The following NFAM1 variants were observed in gnomAD, a reference collection of about 807,000 sequenced individuals.
NFAM1 encodes the protein NFAT activation molecule 1.
NFAM1 carries 17 observed loss-of-function variants against 29.0 expected under a neutral mutation model. The observed-to-expected ratio is 0.59, with a 90% CI of 0.40 to 0.88. The LOEUF (loss-of-function observed/expected upper bound fraction) is 0.88. NFAM1 is among the 40% of genes least tolerant of loss of function. The pLI, the probability that NFAM1 is intolerant of heterozygous loss-of-function variation, is 0.00. For missense variants in NFAM1, 324 were observed against 344.6 expected (o/e 0.94, Z 0.47); for synonymous variants, 175 against 147.2 (o/e 1.19, Z -1.36).
At chr22:42,434,527 C>A (rs1369185551), upstream of NFAM1, among the ~76,000 whole-genome samples, 1 of 152,188 alleles carries the variant, frequency 6.6e-6, no homozygotes, top group East Asian at 1.9e-4. Context: ...AGGGACGCAC[C>A]TTGGCAAGGA....
intron 2 of NFAM1, chr22:42,410,143 C>T (rs1221281338): frequency 6.1e-6 from 1 of 164,104 alleles, no homozygotes; most frequent in Non-Finnish European, 1.3e-5. Flanking sequence ...CATATGGGCA[C>T]CATCTCCTTC....
intron 3 of NFAM1, among the ~76,000 whole-genome samples, chr22:42,405,712 T>C (rs1437500303): frequency 6.6e-6 from 1 of 152,192 alleles, no homozygotes; most frequent in African/African-American, 2.4e-5. Context: ...AGCTCATCCC[T>C]CTGGCTGGGC....
At chr22:42,389,456 T>A (rs1929259086) in intron 4 of NFAM1, among the ~76,000 whole-genome samples, 1 of 152,104 alleles carries the variant, frequency 6.6e-6, no homozygotes, top group South Asian at 2.1e-4. Flanking sequence ...ATGACCTGCA[T>A]CACCAGGCTG....
chr22:42,407,301 T>C (rs1313069914), intron 3 of NFAM1, among the ~76,000 whole-genome samples: 1 of 149,936 alleles, frequency 6.7e-6, no homozygotes, highest in African/African-American at 2.5e-5. Flanking sequence ...AAGCTAGTCT[T>C]GAACTCCTGG....
chr22:42,398,017 A>C, intron 3 of NFAM1, 61 bp from the exon 4 acceptor site: 1 of 861,954 alleles, frequency 1.2e-6, no homozygotes, highest in Non-Finnish European at 1.8e-6. Context: ...CCCCGCACAG[A>C]CCCCCCAGGG....
chr22:42,411,375 T>G (rs1187057289), intron 2 of NFAM1, 32 bp downstream of exon 2: 1 of 1,553,018 alleles, frequency 6.4e-7, no homozygotes. Context: ...TCTGTGTCCT[T>G]TGCCCTGGAA....
At chr22:42,428,911 T>G (rs534619773) in intron 1 of NFAM1, among the ~76,000 whole-genome samples, 8 of 152,292 alleles carry the variant, frequency 5.3e-5, no homozygotes, top group Middle Eastern at 3.4e-3. Flanking sequence ...CTGAGGCCCA[T>G]GGAAGCTGAG....
At position 42,388,148 on chromosome 22, in the gene NFAM1, A is replaced by G. The variant is rs1929214372; in HGVS notation, c.664-1070T>C. On this transcript the variant is annotated intron_variant, in intron 4 of 5. Transcript: ENST00000329021. This position sits in a 1 kb window ranked among gnomAD's most constrained non-coding sequence, Gnocchi z 4.1. ...TAAGAAAGGCCTAGCCAGAGACCTC[A>G]GGATGGTAGAAAGAACCGGGGCTTT... 1.3e-5 allele frequency among the ~76,000 whole-genome samples: 2 copies of G among 152,246 alleles called. No homozygotes were observed. The highest frequency in any genetic ancestry group is 4.8e-5 in the African/African-American group (2 of 41,472).
intron 5 of NFAM1, among the ~76,000 whole-genome samples, chr22:42,385,908 T>A (rs1929122599): frequency 6.6e-6 from 1 of 152,230 alleles, no homozygotes; most frequent in South Asian, 2.1e-4. Context: ...CCCTGACAGA[T>A]GTTCCAAGAG....
At position 42,409,428 on chromosome 22, in the gene NFAM1, C is replaced by A. The variant is rs553760165; in HGVS notation, c.564+7G>T. On this transcript the variant is annotated splice_region_variant and intron_variant, in intron 3 of 5. Transcript: ENST00000329021. The surrounding 1 kb of genome is among the most constrained non-coding windows in gnomAD (Gnocchi z 4.9). ...GGGCTGCATGGCTGTGAGCACTGATCCCGTACCTTGTTCCAGAGCAGCAGG... is the reference window on the plus strand; with the variant it reads ...GGGCTGCATGGCTGTGAGCACTGATACCGTACCTTGTTCCAGAGCAGCAGG... 2 of 1,431,024 alleles carry A rather than the reference C, an allele frequency of 1.4e-6. No homozygotes were observed. The highest frequency in any genetic ancestry group is 2.3e-5 in the Admixed American group (1 of 43,058). The allele number at this position is 1,431,024 out of a possible 1,614,324, so 88.6% of individuals were successfully genotyped here. A position where few individuals can be genotyped will look rare whatever the true frequency, so the allele number is the denominator to read the frequency against.
Position 42,387,004 on chromosome 22 carries a change from C to T in NFAM1, c.738G>A (p.Gln246=). The T allele has an allele frequency of 1.3e-6, 2 of 1,569,660 alleles. No individual in the cohort carries two copies. The highest frequency in any genetic ancestry group is 1.2e-5 in the South Asian group (1 of 86,152). ...GCCTGTGTACCTGGGAGAGGGGGCT[C>T]TGCTTGGCGGTGGGTGAGCTGCCAT... ...NEDGSSPTAK[Q]SPLSQERPHR... is the part of the protein sequence containing the mutation. Residue 246 remains glutamine, a synonymous_variant, in exon 5 of 6, where the codon CAG becomes CAA. Transcript: ENST00000329021.
intron 1 of NFAM1, among the ~76,000 whole-genome samples, chr22:42,428,638 C>T (rs1215996563): frequency 3.3e-5 from 5 of 152,164 alleles, no homozygotes; most frequent in Admixed American, 2.0e-4. Flanking sequence ...GGCCAAGGCT[C>T]ACGGTCCCAC....
upstream of NFAM1, among the ~76,000 whole-genome samples, chr22:42,434,270 TA>T (rs896787837): frequency 2.6e-5 from 4 of 152,182 alleles, no homozygotes; most frequent in Non-Finnish European, 4.4e-5. Flanking sequence ...TGGGTGAGCA[TA>T]AGGCAGGGAG....
Position 42,385,040 on chromosome 22 carries a change from G to A in NFAM1, c.*121C>T. The stretch of plus-strand genomic sequence containing the variant: ...CCAAGACAGGAAGGGCCTTGAATGT[G>A]AGGGTGAAATGATGGGGTGTCCCTG... On this transcript the variant is annotated 3_prime_UTR_variant, in exon 6 of 6. Coordinates refer to ENST00000329021, the MANE Select transcript of NFAM1 (RefSeq NM_145912.8). 1 of 781,342 alleles carries A rather than the reference G, an allele frequency of 1.3e-6. No individual in the cohort carries two copies. The highest frequency in any genetic ancestry group is 2.3e-6 in the Non-Finnish European group (1 of 433,970). The allele number at this position is 781,342 out of a possible 1,614,324, so 48.4% of individuals were successfully genotyped here.
chr22:42,399,380 G>A (rs1929645080), intron 3 of NFAM1, among the ~76,000 whole-genome samples: 1 of 150,728 alleles, frequency 6.6e-6, no homozygotes, highest in Admixed American at 6.6e-5. Flanking sequence ...CCAGGGGGCG[G>A]AGGTTGCAGT....
Position 42,396,881 on chromosome 22 carries a change from C to G in NFAM1, c.663+977G>C, listed in dbSNP as rs185136919. Among the ~76,000 whole-genome samples, 8 of 152,252 alleles carry G rather than the reference C, an allele frequency of 5.3e-5. No homozygotes were observed. The East Asian group carries it at 1.4e-3, about 26-fold the overall frequency. On this transcript the variant is annotated intron_variant, in intron 4 of 5. Transcript: ENST00000329021. ...TGAGTCAATGTTGTGGGAACAGAAACGACAGCACGTACGAGCAGAACCCAA... is the reference window on the plus strand; with the variant it reads ...TGAGTCAATGTTGTGGGAACAGAAAGGACAGCACGTACGAGCAGAACCCAA...
At chr22:42,399,234 A>G (rs549864613) in intron 3 of NFAM1, among the ~76,000 whole-genome samples, 1 of 151,954 alleles carries the variant, frequency 6.6e-6, no homozygotes, top group African/African-American at 2.4e-5. Context: ...ATCACCTGAG[A>G]TCAGGAGTTT....
In NFAM1 at chr22:42,380,962, G is replaced by A. The variant is rs7286723; in HGVS notation, c.*4199C>T. 15,037 of 152,544 alleles carry A rather than the reference G, an allele frequency of 0.099. 1,751 individuals are homozygous for A. Among genetic ancestry groups the A allele is most frequent in the African/African-American group, 0.28 (11,594 of 41,496 alleles). 9.4% of individuals were successfully genotyped at this position (152,544 alleles called of 1,614,324 possible). ...CTGTGAAGGGAACCCCAGCCACACC[G>A]GGTTCAGCGCAGAACCAGCACATGT... On this transcript the variant is annotated 3_prime_UTR_variant, in exon 6 of 6. Coordinates refer to ENST00000329021, the MANE Select transcript of NFAM1 (RefSeq NM_145912.8).
At chr22:42,393,928 C>T (rs540817518) in intron 4 of NFAM1, among the ~76,000 whole-genome samples, 5 of 152,098 alleles carry the variant, frequency 3.3e-5, no homozygotes, top group Admixed American at 3.3e-4. Context: ...ATTCTGTGTG[C>T]ACTTGAAAAT....
Sources: gnomAD v4.1 joint callset for allele counts (sites outside exome capture counted in the v4.1 genomes callset) on GRCh38, gnomAD v4.1.1 for gene constraint, Gnocchi (gnomAD v3.1) non-coding constraint, MANE v1.5 for transcripts, NCBI Gene and HGNC (gene_info 2026-07-23, HGNC 2026-07-21) for gene names.